LTBP4: variants seen among roughly 807,000 people sequenced by gnomAD.
LTBP4 encodes latent-transforming growth factor beta-binding protein 4.
A neutral mutation model predicts 180.2 loss-of-function variants in LTBP4; 93 were observed. The ratio of observed to expected loss-of-function variants is 0.52; its 90% confidence interval spans 0.44 to 0.61. The LOEUF (loss-of-function observed/expected upper bound fraction) is 0.61. LTBP4 is among the 20% of genes least tolerant of loss of function. LTBP4 has a pLI of 0.00. For missense variants in LTBP4, 2,116 were observed against 2,256.5 expected (o/e 0.94, Z 1.26); for synonymous variants, 947 against 934.5 (o/e 1.01, Z -0.24).
At chr19:40,614,684 C>G (rs894230978) in intron 19 of LTBP4, among the ~76,000 whole-genome samples, 3 of 152,122 alleles carry the variant, frequency 2.0e-5, no homozygotes, top group Non-Finnish European at 4.4e-5. Flanking sequence ...AGCTGAAGCC[C>G]GGTCCACATT....
chr19:40,611,528 C>T lies in LTBP4; in HGVS notation c.2053+134C>T, dbSNP rs1265686696. ...GGGGCTGAGGGATGGGGACCTCACT[C>T]CAGAGTCTTCTCTCCTTTCAACAAA... On this transcript the variant is annotated intron_variant, in intron 13 of 29. Coordinates refer to ENST00000396819, the MANE Select transcript of LTBP4 (RefSeq NM_001042545.2). This position sits in a 1 kb window ranked among gnomAD's most constrained non-coding sequence, Gnocchi z 4.4. The T allele has an allele frequency of 3.1e-6, 4 of 1,297,390 alleles. No individual in the cohort carries two copies. The East Asian group carries it at 7.1e-5, about 23-fold the overall frequency. 80.4% of individuals were successfully genotyped at this position (1,297,390 alleles called of 1,614,324 possible).
chr19:40,613,814 G>T lies in LTBP4; in HGVS notation c.2558-102G>T. ...AGTAGCGTGAGGCAGGTTGGGGAAG[G>T]CGTGAGAGGCCTAGGAGAGCCGAGG... On this transcript the variant is annotated intron_variant, in intron 17 of 29. Coordinates refer to ENST00000396819, the MANE Select transcript of LTBP4 (RefSeq NM_001042545.2). The surrounding 1 kb of genome is among the most constrained non-coding windows in gnomAD (Gnocchi z 5.0). 1 of 1,532,618 alleles carries T rather than the reference G, an allele frequency of 6.5e-7. No individual in the cohort carries two copies. The allele number at this position is 1,532,618 out of a possible 1,614,324, so 94.9% of individuals were successfully genotyped here. A position where few individuals can be genotyped will look rare whatever the true frequency, so the allele number is the denominator to read the frequency against.
chr19:40,617,078 C>CCTGA (rs749043704), intron 20 of LTBP4, 22 bp from the exon 21 acceptor site: 2 of 1,613,766 alleles, frequency 1.2e-6, no homozygotes, highest in Non-Finnish European at 1.7e-6. Flanking sequence ...CCAGAAATGG[C>CCTGA]CTGACTGTCT....
intron 28 of LTBP4, 131 bp from the exon 29 acceptor site, chr19:40,627,574 A>G: frequency 7.5e-7 from 1 of 1,325,402 alleles, no homozygotes; most frequent in Non-Finnish European, 1.0e-6. Context: ...GCCCCGCAGC[A>G]CCCGCCACAG....
chr19:40,627,719 C>G lies in LTBP4; in HGVS notation c.4381C>G (p.Pro1461Ala). The part of the protein sequence containing the change: ...GGSYAGSLAE[P>A]YEELEAEECG... ...ATTTCCCACAGGTTCCCTGGCTGAG[C>G]CCTACGAGGAGCTGGAGGCGGAGGA... is the stretch of plus-strand genomic sequence containing the variant. The change falls in exon 29 of 30, where the codon CCC becomes GCC. Residue 1461 changes from proline to alanine, a missense_variant. Pro to Ala is a conservative substitution (Grantham distance 27). This residue lies in a region of LTBP4 where 488 missense variants were observed against 458.8 expected (regional missense o/e 1.06). Transcript: ENST00000396819. The G allele has an allele frequency of 6.3e-7, 1 of 1,595,948 alleles. No homozygotes were observed.
upstream of LTBP4, among the ~76,000 whole-genome samples, chr19:40,598,223 G>C (rs1409732364): frequency 6.6e-6 from 1 of 152,016 alleles, no homozygotes; most frequent in Non-Finnish European, 1.5e-5. Flanking sequence ...CGCGGCGGGG[G>C]CGGGGCCGGG....
At position 40,613,094 on chromosome 19, in the gene LTBP4, C is replaced by T; in HGVS notation, c.2329C>T (p.Pro777Ser). The T allele has an allele frequency of 1.9e-6, 3 of 1,610,570 alleles. No individual in the cohort carries two copies. Among genetic ancestry groups the T allele is most frequent in the South Asian group, 1.1e-5 (1 of 90,234 alleles). ...GGACGAATGCAGTTCGGGTGCCCCT[C>T]CCTGTGGTCCCCACGGCCACTGCAC... ...DVDECSSGAPPCGPHGHCTNT... is the reference protein window; with the variant it reads ...DVDECSSGAPSCGPHGHCTNT... The change falls in exon 16 of 30, where the codon CCC becomes TCC. Residue 777 changes from proline to serine, a missense_variant. Coordinates refer to ENST00000396819, the MANE Select transcript of LTBP4 (RefSeq NM_001042545.2). This position sits in a 1 kb window ranked among gnomAD's most constrained non-coding sequence, Gnocchi z 5.0.
In LTBP4 at chr19:40,611,965, T is replaced by C. The variant is rs578204135; in HGVS notation, c.2160T>C (p.Thr720=). The change falls in exon 14 of 30, where the codon ACT becomes ACC. Residue 720 remains threonine (T), a synonymous_variant. Transcript: ENST00000396819. This position sits in a 1 kb window ranked among gnomAD's most constrained non-coding sequence, Gnocchi z 4.4. Reference sequence around the variant, plus strand: ...GCCCCATGGGCTTCCAACCCAACACTGCTGGCTCCGAGTGCGAGGGTGAGG... The same window carrying C: ...GCCCCATGGGCTTCCAACCCAACACCGCTGGCTCCGAGTGCGAGGGTGAGG... The part of the protein sequence containing the change: ...CVCPMGFQPN[T]AGSECEDVDE... 47 of 1,611,830 alleles carry C rather than the reference T, an allele frequency of 2.9e-5. No homozygotes were observed. The East Asian group carries it at 1.0e-3, about 34-fold the overall frequency.
In LTBP4 at chr19:40,611,709, C is replaced by T. The variant is rs943464012; in HGVS notation, c.2054-150C>T. 23 of 1,262,124 alleles carry T rather than the reference C, an allele frequency of 1.8e-5. No individual in the cohort carries two copies. Among genetic ancestry groups the T allele is most frequent in the African/African-American group, 9.0e-5 (6 of 66,668 alleles). The allele number at this position is 1,262,124 out of a possible 1,614,324, so 78.2% of individuals were successfully genotyped here. On this transcript the variant is annotated intron_variant, in intron 13 of 29. Coordinates refer to ENST00000396819, the MANE Select transcript of LTBP4 (RefSeq NM_001042545.2). The surrounding 1 kb of genome is among the most constrained non-coding windows in gnomAD (Gnocchi z 4.4). ...CTGGAGAGACCATTGAATGGGGACA[C>T]GAGGAAGGTGTCTGTCTTCCTGGGA... is the stretch of plus-strand genomic sequence containing the variant.
At position 40,601,466 on chromosome 19, in the gene LTBP4, C is replaced by G. The variant is rs984481976; in HGVS notation, c.79C>G (p.Arg27Gly). ...GCTAGGGCCGCAGCCTGGACTGGGC[C>G]GGCTCGGAGAGCGTCTCCGCGTGCG... ...AQLGPQPGLGRLGERLRVRFT... is the reference protein window; with the variant it reads ...AQLGPQPGLGGLGERLRVRFT... Residue 27 changes from arginine to glycine, a missense_variant, in exon 1 of 30, where the codon CGG becomes GGG. Physicochemically the swap from Arg to Gly is moderately radical, Grantham distance 125. Coordinates refer to ENST00000396819, the MANE Select transcript of LTBP4 (RefSeq NM_001042545.2). The G allele has an allele frequency of 6.7e-7, 1 of 1,490,556 alleles. No homozygotes were observed. The highest frequency in any genetic ancestry group is 1.5e-5 in the African/African-American group (1 of 68,676). 92.3% of individuals were successfully genotyped at this position (1,490,556 alleles called of 1,614,324 possible). A position where few individuals can be genotyped will look rare whatever the true frequency, so the allele number is the denominator to read the frequency against.
intron 28 of LTBP4, 26 bp downstream of exon 28, chr19:40,627,381 A>T (rs757387788): frequency 6.8e-7 from 1 of 1,474,996 alleles, no homozygotes; most frequent in Non-Finnish European, 9.0e-7. Context: ...GCATGATGAG[A>T]CTGAGATGAG....
At position 40,629,449 on chromosome 19, in the gene LTBP4, C is replaced by T. The variant is rs772133700; in HGVS notation, c.4573C>T (p.Arg1525Cys). The change falls in exon 30 of 30, where the codon CGT becomes TGT. Residue 1525 changes from arginine (R) to cysteine (C), a missense_variant. By Grantham distance (180) the Arg-to-Cys change is radical. Around this residue, in one of 5 missense-constraint regions of LTBP4, gnomAD observed 488 missense variants for 458.8 expected, o/e 1.06. Coordinates refer to ENST00000396819, the MANE Select transcript of LTBP4 (RefSeq NM_001042545.2). The surrounding 1 kb of genome is among the most constrained non-coding windows in gnomAD (Gnocchi z 4.5). Reference protein sequence around the residue: ...EAASPLCVNARCLNTDGSFRC... With the variant: ...EAASPLCVNACCLNTDGSFRC... ...TGCCTCCCCGCTGTGCGTCAACGCG[C>T]GTTGCCTCAACACGGATGGCTCCTT... 5.6e-6 allele frequency: 9 copies of T among 1,612,570 alleles called. No homozygotes were observed. Among genetic ancestry groups the T allele is most frequent in the Non-Finnish European group, 7.6e-6 (9 of 1,179,434 alleles).
intron 11 of LTBP4, chr19:40,610,211 A>G (rs1449130384): frequency 2.0e-6 from 1 of 493,040 alleles, no homozygotes; most frequent in Non-Finnish European, 3.6e-6. Flanking sequence ...AACTGCGGCA[A>G]CCAATCTCCT....
chr19:40,623,093 C>A, intron 24 of LTBP4, 72 bp downstream of exon 24: 1 of 1,188,416 alleles, frequency 8.4e-7, no homozygotes, highest in Non-Finnish European at 1.2e-6. Flanking sequence ...GTTTTCTTTG[C>A]CTCTGTCTCT....
At position 40,629,527 on chromosome 19, in the gene LTBP4, G is replaced by A. The variant is rs560193986; in HGVS notation, c.4651G>A (p.Ala1551Thr). Residue 1551 changes from alanine (A) to threonine (T), a missense_variant, in exon 30 of 30, where the codon GCG becomes ACG. Physicochemically the swap from Ala to Thr is moderately conservative, Grantham distance 58. Transcript: ENST00000396819. The surrounding 1 kb of genome is among the most constrained non-coding windows in gnomAD (Gnocchi z 4.5). ...FAPTHQPHHC[A>T]PARPRA ...ACCCACGCACCAGCCGCACCACTGT[G>A]CGCCCGCACGGCCCCGGGCCTGAGC... 6.4e-7 allele frequency: 1 copy of A among 1,568,870 alleles called. No individual in the cohort carries two copies. Among genetic ancestry groups the A allele is most frequent in the African/African-American group, 1.4e-5 (1 of 72,734 alleles).
chr19:40,593,199 C>G lies in LTBP4; in HGVS notation c.16+18C>G, dbSNP rs374791501. The G allele has an allele frequency of 2.5e-6, 4 of 1,613,450 alleles. No homozygotes were observed. The highest frequency in any genetic ancestry group is 3.3e-5 in the Admixed American group (2 of 59,984). ...CGTAAAAGGTGAGTGCCTCTGAAAC[C>G]GGGGTGTTCTGAAATAGCTGTGCAC... On this transcript the variant is annotated intron_variant, in intron 1 of 32. Coordinates refer to the LTBP4 transcript ENST00000204005.
chr19:40,597,119 T>G, upstream of LTBP4: 22 of 995,334 alleles, frequency 2.2e-5, no homozygotes, highest in South Asian at 3.7e-5. Flanking sequence ...GGCTGGACTG[T>G]GGAGAAAGTG....
rs2081520948 is a variant in LTBP4, at chr19:40,613,257, C to G, written c.2431+61C>G. 3 of 1,543,198 alleles carry G rather than the reference C, an allele frequency of 1.9e-6. No homozygotes were observed. The highest frequency in any genetic ancestry group is 2.6e-6 in the Non-Finnish European group (3 of 1,141,052). On this transcript the variant is annotated intron_variant, in intron 16 of 29. Transcript: ENST00000396819. This position sits in a 1 kb window ranked among gnomAD's most constrained non-coding sequence, Gnocchi z 5.0. ...GTAGGGCCTGGGTTCCAGGGCAAAG[C>G]CGGCTGGAAAGGTGGAGGCGGGACC... is the stretch of plus-strand genomic sequence containing the variant.
At position 40,627,759 on chromosome 19, in the gene LTBP4, A is replaced by T; in HGVS notation, c.4421A>T (p.Asp1474Val). The T allele has an allele frequency of 6.3e-7, 1 of 1,593,138 alleles. No homozygotes were observed. The highest frequency in any genetic ancestry group is 8.5e-7 in the Non-Finnish European group (1 of 1,171,966). ...GAGGCGGAGGAGTGCGGGATCCTGG[A>T]CGGCTGCACCAACGGCCGCTGCGTG... ...ELEAEECGIL[D>V]GCTNGRCVRV... The change falls in exon 29 of 30, where the codon GAC becomes GTC. Residue 1474 changes from aspartate to valine, a missense_variant. By Grantham distance (152) the Asp-to-Val change is radical. This residue lies in a region of LTBP4 where 488 missense variants were observed against 458.8 expected (regional missense o/e 1.06). Transcript: ENST00000396819.
Sources: gnomAD v4.1 joint callset for allele counts (sites outside exome capture counted in the v4.1 genomes callset) on GRCh38, gnomAD v4.1.1 for gene constraint, gnomAD v4.1.1 regional missense constraint, Gnocchi (gnomAD v3.1) non-coding constraint, MANE v1.5 for transcripts, NCBI Gene and HGNC (gene_info 2026-07-23, HGNC 2026-07-21) for gene names.